Variants in WDR26 observed in about 807,000 individuals in gnomAD.
The protein encoded by WDR26 is WD repeat domain 26, also known as WD repeat-containing protein 26.
WDR26 carries 5 observed loss-of-function variants against 84.1 expected under a neutral mutation model. The ratio of observed to expected loss-of-function variants is 0.06; its 90% confidence interval spans 0.03 to 0.13. The LOEUF (loss-of-function observed/expected upper bound fraction) is 0.13. WDR26 is among the 10% of genes least tolerant of loss of function. WDR26 has a pLI of 1.00. For missense variants in WDR26, 642 were observed against 974.9 expected, an observed-to-expected ratio of 0.66 and a Z score of 4.55; for synonymous variants, 415 against 389.6, an observed-to-expected ratio of 1.07 and a Z score of -0.77.
In WDR26 at chr1:224,433,919, C is replaced by A; in HGVS notation, c.487G>T (p.Ala163Ser). The change falls in exon 1 of 14, where the codon GCC becomes TCC. Residue 163 changes from alanine (A) to serine (S), a missense_variant. By Grantham distance (99) the Ala-to-Ser change is moderately conservative. Transcript: ENST00000414423. ...CTATTGTTGCTGGCGGCGGAGGGGG[C>A]GGAAGGCAGGAGCCCATTGGCGTGG... The A allele has an allele frequency of 6.5e-7, 1 of 1,536,258 alleles. No individual in the cohort carries two copies. The highest frequency in any genetic ancestry group is 8.7e-7 in the Non-Finnish European group (1 of 1,146,574).
intron 9 of WDR26, among the ~76,000 whole-genome samples, chr1:224,400,586 C>T (rs1362635875): frequency 3.9e-5 from 6 of 152,156 alleles, no homozygotes; most frequent in Admixed American, 3.9e-4. Flanking sequence ...ACTCTTGTTG[C>T]CCAGGCTGGA....
intron 8 of WDR26, among the ~76,000 whole-genome samples, chr1:224,402,389 AAC>A (rs1183595687): frequency 6.6e-6 from 1 of 152,224 alleles, no homozygotes; most frequent in African/African-American, 2.4e-5. Flanking sequence ...CAAATACATT[AAC>A]ACACTAAATT....
intron 7 of WDR26, among the ~76,000 whole-genome samples, chr1:224,408,063 C>T (rs145119685): frequency 9.7e-4 from 147 of 152,306 alleles, no homozygotes; most frequent in African/African-American, 3.3e-3. Flanking sequence ...CCTGCAAAAA[C>T]ACTCTGGGAA....
intron 7 of WDR26, among the ~76,000 whole-genome samples, chr1:224,404,996 T>C (rs1673513969): frequency 1.3e-5 from 2 of 152,294 alleles, no homozygotes; most frequent in South Asian, 4.1e-4. Context: ...TATATTTTAG[T>C]ATATTCAGAG....
intron 6 of WDR26, among the ~76,000 whole-genome samples, chr1:224,415,513 T>G: frequency 7.2e-6 from 1 of 138,516 alleles, no homozygotes; most frequent in African/African-American, 2.7e-5. Flanking sequence ...CAAGCTGGAG[T>G]GCAGTGGCGT....
At chr1:224,428,925 G>C (rs1055572775) in intron 3 of WDR26, among the ~76,000 whole-genome samples, 3 of 146,524 alleles carry the variant, frequency 2.0e-5, no homozygotes, top group Non-Finnish European at 4.5e-5. Flanking sequence ...AAAAAATGCT[G>C]ATTCATGAAA....
intron 3 of WDR26, 57 bp downstream of exon 3, chr1:224,431,419 TA>T (rs1415139082): frequency 6.7e-7 from 1 of 1,500,982 alleles, no homozygotes; most frequent in East Asian, 2.3e-5. Flanking sequence ...AGCCTAGAGT[TA>T]TCAATAACCT....
intron 5 of WDR26, chr1:224,419,298 A>G (rs1673990460): frequency 6.1e-6 from 3 of 489,686 alleles, no homozygotes; most frequent in Non-Finnish European, 1.1e-5. Flanking sequence ...ATCACATAAT[A>G]CAAATGAAAG....
At position 224,425,864 on chromosome 1, in the gene WDR26, CTTCTT is replaced by C. The variant is rs1418499784; in HGVS notation, c.928-1215_928-1211del. On this transcript the variant is annotated intron_variant, in intron 3 of 13. Coordinates refer to ENST00000414423, the MANE Select transcript of WDR26 (RefSeq NM_001379403.1). Reference sequence around the variant, plus strand: ...TTTTTCTTCTTCGTAAGATGCTTTTCTTCTTTTTTTTTTGAGACAGAGTCTCACTG... The same window carrying C: ...TTTTTCTTCTTCGTAAGATGCTTTTCTTTTTTTTGAGACAGAGTCTCACTG... Among the ~76,000 whole-genome samples the C allele has an allele frequency of 2.0e-5, 3 of 151,894 alleles. No individual in the cohort carries two copies. The East Asian group carries it at 5.8e-4, about 29-fold the overall frequency.
Position 224,407,151 on chromosome 1 carries a change from A to AAAAAAAAGAATATATATAT in WDR26, c.1459-2582_1459-2581insATATATATATTCTTTTTTT. ...AAAAAAAAAAAAAAAAAAAAAAAAA[A>AAAAAAAAGAATATATATAT]ATATATATATATATATATATAACTC... On this transcript the variant is annotated intron_variant, in intron 7 of 13. Transcript: ENST00000414423. Among the ~76,000 whole-genome samples the AAAAAAAAGAATATATATAT allele has an allele frequency of 8.4e-4, 10 of 11,876 alleles. 1 individual carries two copies. In the East Asian group the frequency reaches 0.011, roughly 13 times the overall value. 7.8% of individuals were successfully genotyped at this position (11,876 alleles called of 152,430 possible).
At chr1:224,404,328 A>C in intron 8 of WDR26, 102 bp downstream of exon 8, 1 of 1,364,620 alleles carries the variant, frequency 7.3e-7, no homozygotes, top group Non-Finnish European at 9.7e-7. Flanking sequence ...ATAGTAATTT[A>C]GGTTGAATGG....
intron 8 of WDR26, among the ~76,000 whole-genome samples, chr1:224,401,671 C>CG (rs1673416894): frequency 2.0e-5 from 1 of 49,640 alleles, no homozygotes; most frequent in Non-Finnish European, 3.1e-5. Context: ...GAGACTGTCT[C>CG]AAAAAAAAAA....
chr1:224,428,214 T>G (rs1674285501), intron 3 of WDR26, among the ~76,000 whole-genome samples: 2 of 152,170 alleles, frequency 1.3e-5, no homozygotes, highest in South Asian at 4.1e-4. Flanking sequence ...TATTCCTTCC[T>G]TTGCTCCCAT....
chr1:224,414,162 G>C (rs1048066997), intron 6 of WDR26, among the ~76,000 whole-genome samples: 9 of 147,874 alleles, frequency 6.1e-5, no homozygotes, highest in African/African-American at 2.0e-4. Context: ...CTGGAATGCA[G>C]TGGCACGATC....
rs952781466 is a variant in WDR26 at position 224,385,466 on chromosome 1, A to C, written c.*4369T>G. 3.3e-5 allele frequency: 5 copies of C among 152,786 alleles called. No homozygotes were observed. The East Asian group carries it at 9.6e-4, about 29-fold the overall frequency. The allele number at this position is 152,786 out of a possible 1,614,324, so 9.5% of individuals were successfully genotyped here. A position where few individuals can be genotyped will look rare whatever the true frequency, so the allele number is the denominator to read the frequency against. ...ATATAATCTGAGAGGCAGTTAAAAAAACAAAAATCAAAACCCACCAAAATT... is the reference window on the plus strand; with the variant it reads ...ATATAATCTGAGAGGCAGTTAAAAACACAAAAATCAAAACCCACCAAAATT... On this transcript the variant is annotated 3_prime_UTR_variant, in exon 14 of 14. Coordinates refer to ENST00000414423, the MANE Select transcript of WDR26 (RefSeq NM_001379403.1).
At chr1:224,431,932 CTT>C (rs1558448299) in intron 1 of WDR26, among the ~76,000 whole-genome samples, 151 bp from the exon 2 acceptor site, 2 of 152,200 alleles carry the variant, frequency 1.3e-5, no homozygotes, top group African/African-American at 2.4e-5. Context: ...GTTAAACAAA[CTT>C]TATTTAAAAC....
intron 8 of WDR26, among the ~76,000 whole-genome samples, chr1:224,402,489 T>G (rs1260513883): frequency 6.6e-6 from 1 of 152,198 alleles, no homozygotes; most frequent in Non-Finnish European, 1.5e-5. Context: ...TTTTCTAATT[T>G]AAGAAATGAT....
chr1:224,409,362 G>A (rs1204367903), intron 7 of WDR26, among the ~76,000 whole-genome samples: 4 of 152,128 alleles, frequency 2.6e-5, no homozygotes, highest in Non-Finnish European at 5.9e-5. Context: ...ATTTGGCCTT[G>A]CTATGTGCTT....
At chr1:224,411,717 TTG>T in intron 6 of WDR26, 152 bp from the exon 7 acceptor site, 3 of 865,324 alleles carry the variant, frequency 3.5e-6, no homozygotes, top group Non-Finnish European at 5.0e-6. Flanking sequence ...TTTTTTTTTT[TTG>T]AGACAGGGTC....
Sources: allele counts gnomAD v4.1 joint callset (sites outside exome capture counted in the v4.1 genomes callset), GRCh38; gene constraint gnomAD v4.1.1; transcripts MANE v1.5; gene names NCBI Gene and HGNC (gene_info 2026-07-23, HGNC 2026-07-21).